Variants in NEFH observed in about 807,000 individuals in gnomAD.
NEFH encodes neurofilament heavy polypeptide.
In NEFH, 58 loss-of-function variants were observed where a neutral mutation model predicts 56.6. That is an observed-to-expected ratio of 1.03 (90% confidence interval 0.83 to 1.28). The LOEUF (loss-of-function observed/expected upper bound fraction) is 1.28, where lower values mean the gene tolerates loss of function less well. NEFH is among the 50% of genes most tolerant of loss of function. The pLI, the probability that NEFH is intolerant of heterozygous loss-of-function variation, is 0.00. For missense variants in NEFH, 1,221 were observed against 1,307.6 expected, an observed-to-expected ratio of 0.93 and a Z score of 1.02; for synonymous variants, 542 against 545.8, an observed-to-expected ratio of 0.99 and a Z score of 0.10.
rs150023132 is a variant in NEFH, at chr22:29,486,956, A to G, written c.1208+1109A>G. Among the ~76,000 whole-genome samples, 575 of 152,296 alleles carry G rather than the reference A, an allele frequency of 3.8e-3. 7 individuals carry two copies. Among genetic ancestry groups the G allele is most frequent in the African/African-American group, 0.013 (522 of 41,570 alleles). ...GAGGTGCTTGAGTCAGGGACCTTTCAAACTCTGTCCTTTAGAGTTTCTTAG... is the reference window on the plus strand; with the variant it reads ...GAGGTGCTTGAGTCAGGGACCTTTCGAACTCTGTCCTTTAGAGTTTCTTAG... On this transcript the variant is annotated intron_variant, in intron 3 of 3. Coordinates refer to ENST00000310624, the MANE Select transcript of NEFH (RefSeq NM_021076.4).
chr22:29,483,208 G>A (rs1482875190), intron 1 of NEFH, among the ~76,000 whole-genome samples, 167 bp from the exon 2 acceptor site: 1 of 151,982 alleles, frequency 6.6e-6, no homozygotes, highest in African/African-American at 2.4e-5. Flanking sequence ...GAACCCAGGA[G>A]GCGGAGCTTG....
chr22:29,487,143 C>G (rs988637993), intron 3 of NEFH, among the ~76,000 whole-genome samples: 20 of 152,070 alleles, frequency 1.3e-4, no homozygotes, highest in East Asian at 9.6e-4. Flanking sequence ...TCAGTGGCAG[C>G]CTTGAGAAAT....
At position 29,480,408 on chromosome 22, in the gene NEFH, C is replaced by G; in HGVS notation, c.146C>G (p.Ser49Trp). Residue 49 changes from serine (S) to tryptophan (W), a missense_variant, in exon 1 of 4, where the codon TCG (serine) becomes TGG (tryptophan). Coordinates refer to ENST00000310624, the MANE Select transcript of NEFH (RefSeq NM_021076.4). The stretch of plus-strand genomic sequence containing the variant: ...GCTGGCTCCTCCAGCGGCTTCCACT[C>G]GTGGACACGGACGTCCGTGAGCTCC... ...SAAGSSSGFH[S>W]WTRTSVSSVS... The G allele has an allele frequency of 6.5e-7, 1 of 1,535,258 alleles. No individual in the cohort carries two copies. Among genetic ancestry groups the G allele is most frequent in the Non-Finnish European group, 8.7e-7 (1 of 1,147,734 alleles).
At chr22:29,485,561 C>T (rs148865982) in intron 2 of NEFH, among the ~76,000 whole-genome samples, 162 bp from the exon 3 acceptor site, 4 of 152,370 alleles carry the variant, frequency 2.6e-5, no homozygotes, top group East Asian at 1.9e-4. Flanking sequence ...GATTGTTCCA[C>T]GTCCACTAAT....
rs6006164 is a variant in NEFH at position 29,489,363 on chromosome 22, C to G, written c.1723C>G (p.Pro575Ala). ...CCCAGAGAAGGAGGAAGCAAAATCT[C>G]CAGCTGAGGTCAAGTCCCCCGAGAA... ...KSPEKEEAKS[P>A]AEVKSPEKAK... The change falls in exon 4 of 4, where the codon CCA (proline) becomes GCA (alanine). Residue 575 changes from proline to alanine, a missense_variant. Physicochemically the swap from Pro to Ala is conservative, Grantham distance 27. Transcript: ENST00000310624. 6.2e-7 allele frequency: 1 copy of G among 1,611,202 alleles called. No individual in the cohort carries two copies. Among genetic ancestry groups the G allele is most frequent in the African/African-American group, 1.3e-5 (1 of 74,168 alleles).
Position 29,480,597 on chromosome 22 carries a change from TCGA to T in NEFH, c.337_339del (p.Asp113del). 1 of 1,562,618 alleles carries T rather than the reference TCGA, an allele frequency of 6.4e-7. No individual in the cohort carries two copies. Among genetic ancestry groups the T allele is most frequent in the South Asian group, 1.2e-5 (1 of 86,112 alleles). On this transcript the variant is annotated inframe_deletion, in exon 1 of 4. Transcript: ENST00000310624. ...CTGAACGACCGCTTCGCCGGGTACATCGACAAGGTGCGGCAGCTGGAGGCGCAC... is the reference window on the plus strand; with the variant it reads ...CTGAACGACCGCTTCGCCGGGTACATCAAGGTGCGGCAGCTGGAGGCGCAC...
chr22:29,483,643 C>T (rs1008505312), intron 2 of NEFH, 69 bp downstream of exon 2: 5 of 1,494,126 alleles, frequency 3.3e-6, no homozygotes, highest in East Asian at 2.3e-5. Context: ...AGTTACTGTC[C>T]CTCACTGAGT....
chr22:29,482,562 G>C (rs915460860), intron 1 of NEFH, among the ~76,000 whole-genome samples: 3 of 152,252 alleles, frequency 2.0e-5, no homozygotes, highest in Admixed American at 2.0e-4. Context: ...ACCTTGGACT[G>C]TGCGCAGAAA....
rs767701997 is a variant in NEFH, at chr22:29,489,218, A to G, written c.1578A>G (p.Ser526=). The change falls in exon 4 of 4, where the codon TCA becomes TCG. Residue 526 remains serine, a synonymous_variant. Transcript: ENST00000310624. ...AKSPVKEEAK[S]PAEAKSPEKE... The stretch of plus-strand genomic sequence containing the variant: ...CACCAGTAAAGGAAGAGGCAAAGTC[A>G]CCGGCTGAGGCCAAGTCCCCAGAGA... 1.9e-6 allele frequency: 3 copies of G among 1,614,084 alleles called. No homozygotes were observed. In the South Asian group the frequency reaches 3.3e-5, roughly 18 times the overall value.
Position 29,490,943 on chromosome 22 carries a change from AGC to A in NEFH, c.*241_*242del. The A allele has an allele frequency of 1.5e-6, 1 of 679,888 alleles. No individual in the cohort carries two copies. The highest frequency in any genetic ancestry group is 2.4e-6 in the Non-Finnish European group (1 of 410,280). 42.1% of individuals were successfully genotyped at this position (679,888 alleles called of 1,614,324 possible). On this transcript the variant is annotated 3_prime_UTR_variant, in exon 4 of 4. Transcript: ENST00000310624. The stretch of plus-strand genomic sequence containing the variant: ...GATGGACAATTATGATAGCTTATGT[AGC>A]TGAATGTGATACATGCCGAATGCCA...
At chr22:29,483,689 C>T in intron 2 of NEFH, 115 bp downstream of exon 2, 1 of 882,684 alleles carries the variant, frequency 1.1e-6, no homozygotes, top group Non-Finnish European at 1.8e-6. Context: ...CCCTTGGAGT[C>T]AGACATACCA....
In NEFH at chr22:29,480,436, G is replaced by A; in HGVS notation, c.174G>A (p.Val58=). ...GGACACGGACGTCCGTGAGCTCCGT[G>A]TCCGCCTCGCCCAGCCGCTTCCGTG... The part of the protein sequence containing the change: ...HSWTRTSVSS[V]SASPSRFRGA... The change falls in exon 1 of 4, where the codon GTG becomes GTA. Residue 58 remains valine, a synonymous_variant. Transcript: ENST00000310624. 1 of 1,531,830 alleles carries A rather than the reference G, an allele frequency of 6.5e-7. No individual in the cohort carries two copies. The highest frequency in any genetic ancestry group is 2.5e-5 in the East Asian group (1 of 40,794). 94.9% of individuals were successfully genotyped at this position (1,531,830 alleles called of 1,614,324 possible). A position where few individuals can be genotyped will look rare whatever the true frequency, so the allele number is the denominator to read the frequency against.
In NEFH at chr22:29,490,416, A is replaced by T. The variant is rs9625806; in HGVS notation, c.2776A>T (p.Thr926Ser). 1 of 1,610,290 alleles carries T rather than the reference A, an allele frequency of 6.2e-7. No homozygotes were observed. Among genetic ancestry groups the T allele is most frequent in the Non-Finnish European group, 8.5e-7 (1 of 1,179,178 alleles). ...GGAAGACGCTAAACCCAAAGAAAAG[A>T]CAGAGGTAGCCAAGAAGGAACCAGA... ...VKEDAKPKEKTEVAKKEPDDA... is the reference protein window; with the variant it reads ...VKEDAKPKEKSEVAKKEPDDA... The change falls in exon 4 of 4, where the codon ACA becomes TCA. Residue 926 changes from threonine to serine, a missense_variant. Physicochemically the swap from Thr to Ser is moderately conservative, Grantham distance 58 (BLOSUM62 1). Transcript: ENST00000310624.
chr22:29,487,048 G>T (rs377152521), intron 3 of NEFH, among the ~76,000 whole-genome samples: 11 of 152,332 alleles, frequency 7.2e-5, no homozygotes, highest in African/African-American at 2.6e-4. Flanking sequence ...ATGTCATAGG[G>T]TTGTCAGGAA....
At position 29,480,282 on chromosome 22, in the gene NEFH, C is replaced by A. The variant is rs938596282; in HGVS notation, c.20C>A (p.Ala7Glu). The A allele has an allele frequency of 4.0e-5, 60 of 1,509,886 alleles. No individual in the cohort carries two copies. The highest frequency in any genetic ancestry group is 5.0e-5 in the Non-Finnish European group (57 of 1,138,164). 93.5% of individuals were successfully genotyped at this position (1,509,886 alleles called of 1,614,324 possible). A position where few individuals can be genotyped will look rare whatever the true frequency, so the allele number is the denominator to read the frequency against. ...CAGGCCATGATGAGCTTCGGCGGCG[C>A]GGACGCGCTGCTGGGCGCCCCGTTC... MMSFGGADALLGAPFAP... is the reference protein window; with the variant it reads MMSFGGEDALLGAPFAP... Residue 7 changes from alanine to glutamate, a missense_variant, in exon 1 of 4, where the codon GCG becomes GAG. Coordinates refer to ENST00000310624, the MANE Select transcript of NEFH (RefSeq NM_021076.4).
chr22:29,490,486 A>C lies in NEFH; in HGVS notation c.2846A>C (p.Glu949Ala), dbSNP rs1433647118. 6.3e-7 allele frequency: 1 copy of C among 1,589,668 alleles called. No homozygotes were observed. The highest frequency in any genetic ancestry group is 1.4e-5 in the African/African-American group (1 of 73,054). The change falls in exon 4 of 4, where the codon GAG becomes GCG. Residue 949 changes from glutamate to alanine, a missense_variant. Glu to Ala is a moderately radical substitution (Grantham distance 107). This residue lies in a region of NEFH where 301 missense variants were observed against 346.6 expected (regional missense o/e 0.87). Transcript: ENST00000310624. The part of the protein sequence containing the change: ...KEPSKPAEKK[E>A]AAPEKKDTKE... ...CCCAGCAAACCAGCAGAGAAGAAGG[A>C]GGCAGCACCGGAGAAAAAAGACACC...
In NEFH at chr22:29,485,724, A is replaced by C. The variant is rs1198851892; in HGVS notation, c.1085A>C (p.Glu362Ala). 6.2e-7 allele frequency: 1 copy of C among 1,613,998 alleles called. No homozygotes were observed. The highest frequency in any genetic ancestry group is 8.5e-7 in the Non-Finnish European group (1 of 1,179,934). The change falls in exon 3 of 4, where the codon GAA (glutamate) becomes GCA (alanine). Residue 362 changes from glutamate (E) to alanine (A), a missense_variant and splice_region_variant. Physicochemically the swap from Glu to Ala is moderately radical, Grantham distance 107. Coordinates refer to ENST00000310624, the MANE Select transcript of NEFH (RefSeq NM_021076.4). ...ATGTGTGTCACCTCTCCTTCCCAGG[A>C]AGCCATTCAGCAGCTGGACGCTGAG... is the stretch of plus-strand genomic sequence containing the variant. The part of the protein sequence containing the change: ...RHQADIASYQ[E>A]AIQQLDAELR...
chr22:29,486,569 C>T (rs1189416017), intron 3 of NEFH, among the ~76,000 whole-genome samples: 1 of 136,472 alleles, frequency 7.3e-6, no homozygotes, highest in African/African-American at 2.8e-5. Flanking sequence ...GTTGCCCAGG[C>T]TGGAGTGCAG....
chr22:29,487,238 C>T (rs1442279644), intron 3 of NEFH, among the ~76,000 whole-genome samples: 2 of 152,120 alleles, frequency 1.3e-5, no homozygotes, highest in Non-Finnish European at 2.9e-5. Flanking sequence ...TGACTGGTGA[C>T]CTGTGGCTTC....
Sources: gnomAD v4.1 joint callset for allele counts (sites outside exome capture counted in the v4.1 genomes callset) on GRCh38, gnomAD v4.1.1 for gene constraint, gnomAD v4.1.1 regional missense constraint, MANE v1.5 for transcripts, NCBI Gene and HGNC (gene_info 2026-07-23, HGNC 2026-07-21) for gene names.